SLC38A12: variants seen among roughly 807,000 people sequenced by gnomAD.
The protein encoded by SLC38A12 is putative sodium-coupled neutral amino acid transporter 12.
the SLC38A12 span, among the ~76,000 whole-genome samples, chr17:74,781,219 A>G: frequency 6.6e-6 from 1 of 152,132 alleles, no homozygotes; most frequent in East Asian, 1.9e-4. Flanking sequence ...ACATCCCAAG[A>G]CCTTCAAGCA....
the SLC38A12 span, chr17:74,838,769 C>T: frequency 6.8e-7 from 1 of 1,474,998 alleles, no homozygotes; most frequent in African/African-American, 1.4e-5. Flanking sequence ...GCAGAGAACC[C>T]CAACAGCAAG....
chr17:74,815,581 C>T, the SLC38A12 span, among the ~76,000 whole-genome samples: 1 of 152,210 alleles, frequency 6.6e-6, no homozygotes, highest in African/African-American at 2.4e-5. Context: ...GGACATAACA[C>T]ATTGCCAGTC....
the SLC38A12 span, chr17:74,836,024 G>T: frequency 6.2e-7 from 1 of 1,611,510 alleles, no homozygotes; most frequent in Non-Finnish European, 8.5e-7. This position sits in a 1 kb window ranked among gnomAD's most constrained non-coding sequence, Gnocchi z 4.2. Context: ...TCCGGAACCT[G>T]TTTGGGGTGT....
the SLC38A12 span, chr17:74,838,159 T>A: frequency 1.0e-6 from 1 of 985,696 alleles, no homozygotes; most frequent in African/African-American, 1.7e-5. Context: ...GGAGAGTCCC[T>A]GCGTGGTGTA....
chr17:74,803,664 C>T, the SLC38A12 span, among the ~76,000 whole-genome samples: 1 of 152,178 alleles, frequency 6.6e-6, no homozygotes, highest in Non-Finnish European at 1.5e-5. Context: ...CTTCCCAAGC[C>T]ACCTGGGCTG....
the SLC38A12 span, chr17:74,794,947 GA>G: frequency 8.6e-3 from 8,761 of 1,016,574 alleles, 11 homozygotes; most frequent in African/African-American, 0.046. Flanking sequence ...AAAAGAAGAA[GA>G]AAAAAAAAAA....
At chr17:74,777,008 T>G in the SLC38A12 span, among the ~76,000 whole-genome samples, 6 of 152,134 alleles carry the variant, frequency 3.9e-5, no homozygotes, top group African/African-American at 1.4e-4. Context: ...TTAAATCACT[T>G]GCACCCCGAG....
At chr17:74,816,714 C>T in the SLC38A12 span, among the ~76,000 whole-genome samples, 264 of 151,810 alleles carry the variant, frequency 1.7e-3, 5 homozygotes, top group East Asian at 0.048. Context: ...TGCTTGGCTG[C>T]AGCGACTCGT....
the SLC38A12 span, among the ~76,000 whole-genome samples, chr17:74,831,904 G>A: frequency 3.9e-5 from 6 of 152,352 alleles, no homozygotes; most frequent in South Asian, 2.1e-4. Context: ...GCTCCCCATC[G>A]CGCATCCTGG....
the SLC38A12 span, among the ~76,000 whole-genome samples, chr17:74,811,037 A>C: frequency 0.19 from 29,150 of 152,226 alleles, 3,056 homozygotes; most frequent in Non-Finnish European, 0.22. Flanking sequence ...GTCAAATAAG[A>C]ATAGTACTGG....
the SLC38A12 span, chr17:74,777,642 G>A: frequency 1.4e-6 from 2 of 1,419,812 alleles, no homozygotes; most frequent in Non-Finnish European, 9.3e-7. Context: ...ATCCCGGGCT[G>A]GGCACGGTGG....
chr17:74,785,660 G>A, the SLC38A12 span: 1 of 1,581,520 alleles, frequency 6.3e-7, no homozygotes, highest in Non-Finnish European at 8.6e-7. Flanking sequence ...GAGGGAGTCA[G>A]CCCAGGAAGC....
the SLC38A12 span, chr17:74,785,435 G>A: frequency 6.3e-7 from 1 of 1,594,090 alleles, no homozygotes; most frequent in Non-Finnish European, 8.6e-7. Context: ...GTTAAGGGGA[G>A]AAGTTGATTA....
chr17:74,820,073 C>T, the SLC38A12 span, among the ~76,000 whole-genome samples: 6 of 152,238 alleles, frequency 3.9e-5, no homozygotes, highest in Admixed American at 2.6e-4. Flanking sequence ...ATGATTGTTT[C>T]GAGGTCACAT....
At chr17:74,782,862 G>A in the SLC38A12 span, among the ~76,000 whole-genome samples, 1 of 152,226 alleles carries the variant, frequency 6.6e-6, no homozygotes, top group Admixed American at 6.5e-5. Flanking sequence ...GGGCGTGTTG[G>A]CTCACTCCTG....
At chr17:74,836,110 G>A in the SLC38A12 span, 4 of 1,614,008 alleles carry the variant, frequency 2.5e-6, no homozygotes, top group African/African-American at 5.3e-5. The surrounding 1 kb of genome is among the most constrained non-coding windows in gnomAD (Gnocchi z 4.2). Flanking sequence ...CACCTCACAA[G>A]GCTGGTGTTC....
chr17:74,793,475 TA>T, the SLC38A12 span, among the ~76,000 whole-genome samples: 1 of 152,190 alleles, frequency 6.6e-6, no homozygotes, highest in Admixed American at 6.5e-5. Context: ...GAGGCTCCCT[TA>T]GGGTCCCAGC....
chr17:74,832,510 C>T, the SLC38A12 span, among the ~76,000 whole-genome samples: 1 of 152,238 alleles, frequency 6.6e-6, no homozygotes, highest in Non-Finnish European at 1.5e-5. Flanking sequence ...ACCACCTGTC[C>T]TTCCCGGATA....
At chr17:74,796,989 A>G in the SLC38A12 span, among the ~76,000 whole-genome samples, 2 of 152,198 alleles carry the variant, frequency 1.3e-5, no homozygotes. Context: ...GATGAAGGAC[A>G]GGATTTGAGC....
Sources: allele counts gnomAD v4.1 joint callset (sites outside exome capture counted in the v4.1 genomes callset), GRCh38; gene constraint gnomAD v4.1.1; non-coding constraint Gnocchi (gnomAD v3.1); transcripts MANE v1.5; gene names NCBI Gene and HGNC (gene_info 2026-07-23, HGNC 2026-07-21).